Variants in CLIP3 observed in about 807,000 individuals in gnomAD.
CLIP3 encodes the protein CAP-Gly domain containing linker protein 3.
CLIP3 carries 15 observed loss-of-function variants against 59.4 expected under a neutral mutation model. That is an observed-to-expected ratio of 0.25 (90% CI 0.17 to 0.39). The LOEUF (loss-of-function observed/expected upper bound fraction) is 0.39. Among genes scored for constraint, CLIP3 ranks in the 10% least tolerant of loss-of-function variants. The pLI is 1.00. For missense variants in CLIP3, 495 were observed against 765.7 expected (o/e 0.65, Z 4.17); for synonymous variants, 300 against 321.6 (o/e 0.93, Z 0.72).
At chr19:36,028,062 C>T (rs1250476046) in intron 2 of CLIP3, among the ~76,000 whole-genome samples, 5 of 151,964 alleles carry the variant, frequency 3.3e-5, no homozygotes, top group Admixed American at 6.6e-5. Flanking sequence ...AGAGGCTGTG[C>T]GCGGTGGCTC....
Position 36,016,268 on chromosome 19 carries a change from C to G in CLIP3, c.1590-56G>C. The G allele has an allele frequency of 6.3e-7, 1 of 1,585,464 alleles. No individual in the cohort carries two copies. The highest frequency in any genetic ancestry group is 8.7e-7 in the Non-Finnish European group (1 of 1,155,794). The stretch of plus-strand genomic sequence containing the variant: ...TAGGCAGGCAGCGGGGACATCTGCA[C>G]CCATCACCCCCAGCCTTTCCCCCAG... On this transcript the variant is annotated intron_variant, in intron 13 of 13. Coordinates refer to ENST00000360535, the MANE Select transcript of CLIP3 (RefSeq NM_015526.3). The surrounding 1 kb of genome is among the most constrained non-coding windows in gnomAD (Gnocchi z 4.1).
In CLIP3 at chr19:36,016,965, G is replaced by C. The variant is rs770381446; in HGVS notation, c.1531C>G (p.Arg511Gly). Residue 511 changes from arginine to glycine, a missense_variant, in exon 13 of 14, where the codon CGC becomes GGC. Physicochemically the swap from Arg to Gly is moderately radical, Grantham distance 125. This residue lies in a region of CLIP3 where 179 missense variants were observed against 226.2 expected (regional missense o/e 0.79). Transcript: ENST00000360535. This position sits in a 1 kb window ranked among gnomAD's most constrained non-coding sequence, Gnocchi z 4.1. ...GGGGTCCGGACTGTGGTGAAGGTGC[G>C]TTTGGGCTGCGTCACTGAAGAGGAG... Reference protein sequence around the residue: ...VHQVTMTQPKRTFTTVRTPKD... With the variant: ...VHQVTMTQPKGTFTTVRTPKD... 8 of 1,613,948 alleles carry C rather than the reference G, an allele frequency of 5.0e-6. No individual in the cohort carries two copies. In the Admixed American group the frequency reaches 5.0e-5, roughly 10 times the overall value.
chr19:36,026,274 G>A lies in CLIP3; in HGVS notation c.563-9C>T, dbSNP rs367819294. ...GCACGTGGAGTTCACCACTGGAAGT[G>A]GGCAAGAGGAGGGGTTCCGGGTGAG... On this transcript the variant is annotated splice_polypyrimidine_tract_variant and intron_variant, in intron 5 of 13. Transcript: ENST00000360535. The surrounding 1 kb of genome is among the most constrained non-coding windows in gnomAD (Gnocchi z 6.3). The A allele has an allele frequency of 3.1e-6, 5 of 1,607,148 alleles. No homozygotes were observed. The highest frequency in any genetic ancestry group is 4.3e-6 in the Non-Finnish European group (5 of 1,174,752).
chr19:36,022,172 G>A (rs1035809088), intron 7 of CLIP3, among the ~76,000 whole-genome samples: 2 of 152,140 alleles, frequency 1.3e-5, no homozygotes, highest in Non-Finnish European at 2.9e-5. Context: ...GAGGCACCGC[G>A]CCCCGACAAT....
chr19:36,024,605 C>T lies in CLIP3; in HGVS notation c.709G>A (p.Val237Met). 1 of 1,614,194 alleles carries T rather than the reference C, an allele frequency of 6.2e-7. No individual in the cohort carries two copies. The highest frequency in any genetic ancestry group is 8.5e-7 in the Non-Finnish European group (1 of 1,180,036). The change falls in exon 7 of 14, where the codon GTG (valine) becomes ATG (methionine). Residue 237 changes from valine (V) to methionine (M), a missense_variant. Transcript: ENST00000360535. The stretch of plus-strand genomic sequence containing the variant: ...GACATGTCCATAGGATCTGGGACCA[C>T]CTCCGCCGGCACCTGTCCTTTTCGA... Reference protein sequence around the residue: ...RNRKGQVPAEVVPDPMDMSLD... With the variant: ...RNRKGQVPAEMVPDPMDMSLD...
intron 7 of CLIP3, among the ~76,000 whole-genome samples, chr19:36,020,230 C>CT (rs1281070827): frequency 6.6e-6 from 1 of 151,526 alleles, no homozygotes; most frequent in South Asian, 2.1e-4. Context: ...CCAGCCTGGG[C>CT]AACAAGCAAG....
rs1202943656 is a variant in CLIP3 at position 36,032,634 on chromosome 19, G to A, written c.-59+90C>T. ...TCCTCCCGCGTCAGGCCCCTCAGTC[G>A]CGGCTGCCCCCTCCCCGGGTTTGTT... On this transcript the variant is annotated intron_variant, in intron 1 of 13. Coordinates refer to ENST00000360535, the MANE Select transcript of CLIP3 (RefSeq NM_015526.3). The surrounding 1 kb of genome is among the most constrained non-coding windows in gnomAD (Gnocchi z 4.3). The A allele has an allele frequency of 9.9e-6, 3 of 303,446 alleles. No individual in the cohort carries two copies. The highest frequency in any genetic ancestry group is 1.8e-5 in the Non-Finnish European group (3 of 165,760). 18.8% of individuals were successfully genotyped at this position (303,446 alleles called of 1,614,324 possible). A position where few individuals can be genotyped will look rare whatever the true frequency, so the allele number is the denominator to read the frequency against.
At position 36,026,830 on chromosome 19, in the gene CLIP3, C is replaced by G. The variant is rs939012972; in HGVS notation, c.401-83G>C. ...CGGGGAGGACCCTGGGCTTCAGGGA[C>G]TATACTTTGGGATCCGAAGCTTCGG... On this transcript the variant is annotated intron_variant, in intron 4 of 13. Transcript: ENST00000360535. The surrounding 1 kb of genome is among the most constrained non-coding windows in gnomAD (Gnocchi z 6.3). 2 of 1,547,986 alleles carry G rather than the reference C, an allele frequency of 1.3e-6. No homozygotes were observed. Among genetic ancestry groups the G allele is most frequent in the African/African-American group, 2.7e-5 (2 of 73,336 alleles).
At chr19:36,020,157 T>TG (rs1456850648) in intron 7 of CLIP3, among the ~76,000 whole-genome samples, 1 of 151,274 alleles carries the variant, frequency 6.6e-6, no homozygotes. Context: ...GAGGCTGAGG[T>TG]GGGAGGATCG....
intron 11 of CLIP3, 42 bp from the exon 12 acceptor site, chr19:36,017,492 G>A: frequency 6.2e-7 from 1 of 1,610,698 alleles, no homozygotes; most frequent in Non-Finnish European, 8.5e-7. Flanking sequence ...AGCCACAAAA[G>A]GCCAGGGTCT....
chr19:36,024,432 C>T lies in CLIP3; in HGVS notation c.882G>A (p.Leu294=), dbSNP rs200671862. The change falls in exon 7 of 14, where the codon TTG becomes TTA. Residue 294 remains leucine (L), a synonymous_variant. Coordinates refer to ENST00000360535, the MANE Select transcript of CLIP3 (RefSeq NM_015526.3). ...PGNLMLSALG[L]RLGDRVLLDG... ...CCAGCAGCACGCGGTCTCCCAGGCG[C>T]AAGCCCAGTGCGCTAAGCATGAGAT... 142 of 1,614,188 alleles carry T rather than the reference C, an allele frequency of 8.8e-5. 1 individual carries two copies. In the African/African-American group the frequency reaches 1.7e-3, roughly 19 times the overall value.
intron 2 of CLIP3, among the ~76,000 whole-genome samples, chr19:36,029,035 G>A (rs1413933307): frequency 2.6e-5 from 3 of 117,520 alleles, no homozygotes; most frequent in Non-Finnish European, 4.9e-5. Context: ...TAGAGATAGG[G>A]TCTTGGCTGG....
chr19:36,019,214 G>C lies in CLIP3; in HGVS notation c.1011C>G (p.Gly337=), dbSNP rs1968886918. 1 of 1,613,892 alleles carries C rather than the reference G, an allele frequency of 6.2e-7. No individual in the cohort carries two copies. The highest frequency in any genetic ancestry group is 1.1e-5 in the South Asian group (1 of 91,090). ...TGAAGTACCGAACGCCCCCAACGCT[G>C]CCATCGTTCTTGCCCTCAGGTTCGT... The part of the protein sequence containing the change: ...ELDEPEGKND[G]SVGGVRYFIC... The change falls in exon 8 of 14, where the codon GGC becomes GGG. Residue 337 remains glycine, a synonymous_variant. Transcript: ENST00000360535.
In CLIP3 at chr19:36,027,290, C is replaced by T. The variant is rs1168727167; in HGVS notation, c.167-19G>A. 1 of 1,582,330 alleles carries T rather than the reference C, an allele frequency of 6.3e-7. No individual in the cohort carries two copies. The highest frequency in any genetic ancestry group is 8.6e-7 in the Non-Finnish European group (1 of 1,164,910). On this transcript the variant is annotated intron_variant, in intron 2 of 13. Transcript: ENST00000360535. ...GTGAAAGCTGGGGTGGCAAGAGGTC[C>T]AAGGTCACCCCACGCAACTGACCCC...
In CLIP3 at chr19:36,026,331, CG is replaced by C. The variant is rs1969106347; in HGVS notation, c.563-67del. 2 of 1,386,320 alleles carry C rather than the reference CG, an allele frequency of 1.4e-6. No individual in the cohort carries two copies. Among genetic ancestry groups the C allele is most frequent in the Non-Finnish European group, 2.0e-6 (2 of 981,608 alleles). 85.9% of individuals were successfully genotyped at this position (1,386,320 alleles called of 1,614,324 possible). A position where few individuals can be genotyped will look rare whatever the true frequency, so the allele number is the denominator to read the frequency against. On this transcript the variant is annotated intron_variant, in intron 5 of 13. Transcript: ENST00000360535. This position sits in a 1 kb window ranked among gnomAD's most constrained non-coding sequence, Gnocchi z 6.3. ...TGGGACCCCAGCCCTCCTCCCACCTCGGGGCTCATCTCTTAACTTGCAGGTC... is the reference window on the plus strand; with the variant it reads ...TGGGACCCCAGCCCTCCTCCCACCTCGGGCTCATCTCTTAACTTGCAGGTC...
At chr19:36,018,213 G>C (rs959297872) in intron 9 of CLIP3, among the ~76,000 whole-genome samples, 6 of 152,186 alleles carry the variant, frequency 3.9e-5, no homozygotes, top group African/African-American at 1.4e-4. Flanking sequence ...GGATATGTTG[G>C]ATAAGGAAAA....
rs1471017306 is a variant in CLIP3, at chr19:36,026,805, C to T, written c.401-58G>A. ...CATTCCAGAGCATGGGCCCAGTGCA[C>T]GGGGAGGACCCTGGGCTTCAGGGAC... On this transcript the variant is annotated intron_variant, in intron 4 of 13. Transcript: ENST00000360535. This position sits in a 1 kb window ranked among gnomAD's most constrained non-coding sequence, Gnocchi z 6.3. 3 of 1,566,484 alleles carry T rather than the reference C, an allele frequency of 1.9e-6. No homozygotes were observed. The highest frequency in any genetic ancestry group is 1.8e-5 in the Admixed American group (1 of 55,210).
rs374690845 is a variant in CLIP3 at position 36,031,008 on chromosome 19, C to CTTTTTTTTTTTTTTTT, written c.166+1183_166+1184insAAAAAAAAAAAAAAAA. 5.0e-4 allele frequency among the ~76,000 whole-genome samples: 39 copies of CTTTTTTTTTTTTTTTT among 77,854 alleles called. 1 individual carries two copies. The highest frequency in any genetic ancestry group is 1.4e-3 in the East Asian group (4 of 2,942). The allele number at this position is 77,854 out of a possible 152,430, so 51.1% of individuals were successfully genotyped here. ...TTTTTCTTTTTTCTTTTTTTCTTTT[C>CTTTTTTTTTTTTTTTT]TTTTTTTTTTTTTTCTTTTTTTTTT... is the stretch of plus-strand genomic sequence containing the variant. On this transcript the variant is annotated intron_variant, in intron 2 of 13. Transcript: ENST00000360535.
Position 36,026,953 on chromosome 19 carries a change from G to T in CLIP3, c.399C>A (p.Val133=), listed in dbSNP as rs1298825635. 3.9e-6 allele frequency: 6 copies of T among 1,539,110 alleles called. No homozygotes were observed. The East Asian group carries it at 1.4e-4, about 35-fold the overall frequency. ...GACTTGGGGGTAGGGGGCCCTCACC[G>T]ACTCCGTGGGCCCCAGCTTTGCACG... The part of the protein sequence containing the change: ...HYACKAGAHG[V]GDPAAAVRLS... The change falls in exon 4 of 14, where the codon GTC becomes GTA. Residue 133 remains valine (V), a splice_region_variant and synonymous_variant. Transcript: ENST00000360535. The surrounding 1 kb of genome is among the most constrained non-coding windows in gnomAD (Gnocchi z 6.3).
Sources: gnomAD v4.1 joint callset for allele counts (sites outside exome capture counted in the v4.1 genomes callset) on GRCh38, gnomAD v4.1.1 for gene constraint, gnomAD v4.1.1 regional missense constraint, Gnocchi (gnomAD v3.1) non-coding constraint, MANE v1.5 for transcripts, NCBI Gene and HGNC (gene_info 2026-07-23, HGNC 2026-07-21) for gene names.